The following CNOT4 variants were observed in gnomAD, a reference collection of about 807,000 sequenced individuals.
CNOT4 encodes the protein CCR4-NOT transcription complex subunit 4.
In CNOT4, 8 loss-of-function variants were observed where a neutral mutation model predicts 73.8. That is an observed-to-expected ratio of 0.11 (90% CI 0.06 to 0.20). CNOT4 has a LOEUF of 0.20. Among genes scored for constraint, CNOT4 ranks in the 10% least tolerant of loss-of-function variants. The pLI is 1.00. For synonymous variants in CNOT4, 293 were observed against 321.1 expected, an observed-to-expected ratio of 0.91 and a Z score of 0.94; for missense variants, 564 against 883.4, an observed-to-expected ratio of 0.64 and a Z score of 4.58.
chr7:135,405,479 T>C (rs955901372), intron 7 of CNOT4, among the ~76,000 whole-genome samples: 4 of 152,182 alleles, frequency 2.6e-5, no homozygotes, highest in African/African-American at 4.8e-5. Context: ...AATGAAGATA[T>C]TTCAAAGCCC....
intron 1 of CNOT4, among the ~76,000 whole-genome samples, chr7:135,501,283 C>T (rs1240380212): frequency 6.6e-6 from 1 of 152,158 alleles, no homozygotes; most frequent in East Asian, 1.9e-4. Flanking sequence ...CCACACCAGG[C>T]CTACTAAAAC....
chr7:135,364,164 T>A lies in CNOT4; in HGVS notation c.1628-98A>T. 1 of 913,302 alleles carries A rather than the reference T, an allele frequency of 1.1e-6. No homozygotes were observed. The highest frequency in any genetic ancestry group is 1.7e-6 in the Non-Finnish European group (1 of 600,648). The allele number at this position is 913,302 out of a possible 1,614,324, so 56.6% of individuals were successfully genotyped here. A position where few individuals can be genotyped will look rare whatever the true frequency, so the allele number is the denominator to read the frequency against. On this transcript the variant is annotated intron_variant, in intron 10 of 11. Coordinates refer to ENST00000541284, the MANE Select transcript of CNOT4 (RefSeq NM_001190850.2). This position sits in a 1 kb window ranked among gnomAD's most constrained non-coding sequence, Gnocchi z 4.3. ...TTTAGTGGTTAAGCGGGAGAAGAATTATTCTTTCTTTATTGAGCATTTAAA... is the reference window on the plus strand; with the variant it reads ...TTTAGTGGTTAAGCGGGAGAAGAATAATTCTTTCTTTATTGAGCATTTAAA...
chr7:135,474,748 C>T (rs1240410256), intron 1 of CNOT4, among the ~76,000 whole-genome samples: 2 of 152,068 alleles, frequency 1.3e-5, no homozygotes, highest in African/African-American at 4.8e-5. Context: ...TTCACAAGAC[C>T]ATTTTACTCT....
chr7:135,365,950 C>T (rs1794892939), intron 10 of CNOT4, among the ~76,000 whole-genome samples: 1 of 152,200 alleles, frequency 6.6e-6, no homozygotes, highest in African/African-American at 2.4e-5. Context: ...TACACTCTAA[C>T]TTTTAAAGCA....
chr7:135,421,406 G>A (rs564167989), intron 3 of CNOT4, among the ~76,000 whole-genome samples: 2 of 152,194 alleles, frequency 1.3e-5, no homozygotes, highest in Admixed American at 1.3e-4. Flanking sequence ...CACTCTGCCT[G>A]TCGATCAGCT....
At chr7:135,365,221 T>C (rs1005876198) in intron 10 of CNOT4, among the ~76,000 whole-genome samples, 4 of 152,194 alleles carry the variant, frequency 2.6e-5, no homozygotes, top group Admixed American at 2.6e-4. Flanking sequence ...CCATTGACCT[T>C]ATTTATAAAA....
rs576214543 is a variant in CNOT4, at chr7:135,477,724, A to G, written c.-93+32165T>C. ...CACACAACTGACCCTCCTGTTTCCA[A>G]TCTGGTAACACACGCACTTGAACAT... is the stretch of plus-strand genomic sequence containing the variant. On this transcript the variant is annotated intron_variant, in intron 1 of 11. Transcript: ENST00000541284. Among the ~76,000 whole-genome samples the G allele has an allele frequency of 2.1e-4, 32 of 152,326 alleles. No homozygotes were observed. In the South Asian group the frequency reaches 6.4e-3, roughly 31 times the overall value.
At chr7:135,479,204 T>C (rs1802201427) in intron 1 of CNOT4, among the ~76,000 whole-genome samples, 1 of 127,368 alleles carries the variant, frequency 7.9e-6, no homozygotes, top group Non-Finnish European at 1.7e-5. Context: ...CCAAATTTTT[T>C]TTTTTTTTTT....
At chr7:135,459,374 G>A (rs1800736013) in intron 1 of CNOT4, among the ~76,000 whole-genome samples, 1 of 152,126 alleles carries the variant, frequency 6.6e-6, no homozygotes, top group Non-Finnish European at 1.5e-5. Flanking sequence ...CCTCTGCTCT[G>A]ATCTAAACCA....
chr7:135,402,141 G>C (rs1201201832), intron 7 of CNOT4, among the ~76,000 whole-genome samples: 2 of 132,444 alleles, frequency 1.5e-5, no homozygotes, highest in Non-Finnish European at 3.1e-5. Context: ...ACAGAGTCTT[G>C]CTCTGTTGCC....
chr7:135,372,810 C>T (rs1370757606), intron 10 of CNOT4, among the ~76,000 whole-genome samples: 2 of 152,158 alleles, frequency 1.3e-5, no homozygotes, highest in Non-Finnish European at 1.5e-5. Flanking sequence ...CAGCCTCAGC[C>T]TCCCAAAGTG....
chr7:135,377,977 T>C lies in CNOT4; in HGVS notation c.1628-13911A>G, dbSNP rs142989634. ...CTAGAACTGTTTTACTGAAAAAAAT[T>C]TATTTAAAAACACATTTGTAAAACT... On this transcript the variant is annotated intron_variant, in intron 10 of 11. Coordinates refer to ENST00000541284, the MANE Select transcript of CNOT4 (RefSeq NM_001190850.2). 1.1e-3 allele frequency among the ~76,000 whole-genome samples: 172 copies of C among 152,326 alleles called. 4 individuals are homozygous for C. The East Asian group carries it at 0.03, about 27-fold the overall frequency.
chr7:135,425,197 C>T (rs1009671107), intron 2 of CNOT4, among the ~76,000 whole-genome samples: 4 of 152,150 alleles, frequency 2.6e-5, no homozygotes, highest in Admixed American at 6.5e-5. Context: ...TCACAGAAGG[C>T]GTAAGAAGCA....
chr7:135,471,481 A>G (rs1801571233), intron 1 of CNOT4, among the ~76,000 whole-genome samples: 1 of 152,216 alleles, frequency 6.6e-6, no homozygotes, highest in Non-Finnish European at 1.5e-5. Flanking sequence ...TAAAATGGTA[A>G]TAAGTATGCA....
chr7:135,428,838 TAA>T (rs1316233450), intron 2 of CNOT4, among the ~76,000 whole-genome samples: 1 of 152,224 alleles, frequency 6.6e-6, no homozygotes, highest in Non-Finnish European at 1.5e-5. Context: ...CCCACAGATT[TAA>T]AAAGTCTCCC....
intron 1 of CNOT4, among the ~76,000 whole-genome samples, chr7:135,487,835 C>T (rs573788458): frequency 7.2e-4 from 110 of 152,232 alleles, no homozygotes; most frequent in Non-Finnish European, 1.2e-3. Flanking sequence ...AGGCGGATCA[C>T]GAGGTCAGGA....
At chr7:135,479,662 C>T (rs1011020416) in intron 1 of CNOT4, among the ~76,000 whole-genome samples, 7 of 151,942 alleles carry the variant, frequency 4.6e-5, no homozygotes, top group Admixed American at 6.6e-5. Context: ...CTTTGGGAGG[C>T]GGAGGCAGGA....
At position 135,495,734 on chromosome 7, in the gene CNOT4, G is replaced by C. The variant is rs367695340; in HGVS notation, c.-93+14155C>G. 3.8e-5 allele frequency among the ~76,000 whole-genome samples: 4 copies of C among 104,084 alleles called. No homozygotes were observed. In the East Asian group the frequency reaches 9.5e-4, roughly 25 times the overall value. The allele number at this position is 104,084 out of a possible 152,430, so 68.3% of individuals were successfully genotyped here. ...AGAAAGAAAGAAAGAAAGAAAGAAAGAAAGAAAGAAAGAAAGAAAGAAAGA... is the reference window on the plus strand; with the variant it reads ...AGAAAGAAAGAAAGAAAGAAAGAAACAAAGAAAGAAAGAAAGAAAGAAAGA... On this transcript the variant is annotated intron_variant, in intron 1 of 11. Transcript: ENST00000541284.
chr7:135,420,491 C>A (rs1008331160), intron 3 of CNOT4, among the ~76,000 whole-genome samples: 1 of 148,700 alleles, frequency 6.7e-6, no homozygotes, highest in African/African-American at 2.5e-5. Flanking sequence ...GCACAAGAAT[C>A]ACTTGAGCCC....
Sources: allele counts gnomAD v4.1 joint callset (sites outside exome capture counted in the v4.1 genomes callset), GRCh38; gene constraint gnomAD v4.1.1; non-coding constraint Gnocchi (gnomAD v3.1); transcripts MANE v1.5; gene names NCBI Gene and HGNC (gene_info 2026-07-23, HGNC 2026-07-21).